Variants in RNLS observed in about 807,000 individuals in gnomAD.
RNLS encodes renalase, FAD dependent amine oxidase, also known as renalase.
A neutral mutation model predicts 39.8 loss-of-function variants in RNLS; 39 were observed. The observed-to-expected ratio is 0.98, with a 90% CI of 0.76 to 1.28. The LOEUF (loss-of-function observed/expected upper bound fraction) is 1.28, where lower values mean the gene tolerates loss of function less well. RNLS is among the 50% of genes most tolerant of loss of function. The pLI, the probability that RNLS is intolerant of heterozygous loss-of-function variation, is 0.00. For missense variants in RNLS, 410 were observed against 413.3 expected, an observed-to-expected ratio of 0.99 and a Z score of 0.07; for synonymous variants, 147 against 150.7, an observed-to-expected ratio of 0.98 and a Z score of 0.18.
At chr10:88,424,712 C>T (rs778298079) in intron 4 of RNLS, among the ~76,000 whole-genome samples, 6 of 152,110 alleles carry the variant, frequency 3.9e-5, no homozygotes, top group Admixed American at 2.6e-4. Context: ...TGACACATTA[C>T]TCAGATGATA....
the RNLS span, among the ~76,000 whole-genome samples, chr10:88,218,214 G>A: frequency 2.0e-5 from 3 of 152,346 alleles, no homozygotes; most frequent in South Asian, 6.2e-4. Context: ...CCTCCTCCAT[G>A]CTAAAGCAGA....
At chr10:88,481,724 G>A (rs2765450) in intron 4 of RNLS, among the ~76,000 whole-genome samples, 72,599 of 151,908 alleles carry the variant, frequency 0.48, 18,040 homozygotes, top group East Asian at 0.57. Context: ...AAGTTACTAT[G>A]TGAGAAAAAA....
intron 4 of RNLS, among the ~76,000 whole-genome samples, chr10:88,553,000 G>A (rs1458398038): frequency 6.6e-6 from 1 of 152,086 alleles, no homozygotes; most frequent in Non-Finnish European, 1.5e-5. Context: ...GGGGAATAGG[G>A]ACTATTATGA....
chr10:88,489,425 C>G (rs745585293), intron 4 of RNLS, among the ~76,000 whole-genome samples: 5 of 152,158 alleles, frequency 3.3e-5, no homozygotes, highest in Non-Finnish European at 7.4e-5. Context: ...CCCAGGTACT[C>G]GGACCCTAGC....
intron 4 of RNLS, among the ~76,000 whole-genome samples, chr10:88,527,237 A>G (rs897865550): frequency 6.6e-6 from 1 of 152,128 alleles, no homozygotes. Flanking sequence ...GCTTCTCCCT[A>G]CACCAGCAAC....
intron 5 of RNLS, among the ~76,000 whole-genome samples, chr10:88,341,601 A>G (rs1847965329): frequency 6.6e-6 from 1 of 152,142 alleles, no homozygotes. Flanking sequence ...ATTATTTAAA[A>G]GTAACCAAAA....
chr10:88,225,042 A>G, the RNLS span, among the ~76,000 whole-genome samples: 1 of 152,240 alleles, frequency 6.6e-6, no homozygotes, highest in Admixed American at 6.5e-5. Flanking sequence ...TACAATAGGA[A>G]GTATGTGGTG....
intron 4 of RNLS, among the ~76,000 whole-genome samples, chr10:88,411,512 C>T (rs1400327317): frequency 6.6e-6 from 1 of 151,692 alleles, no homozygotes; most frequent in African/African-American, 2.4e-5. Context: ...TGACTTAAGC[C>T]CCATCTTCTG....
At chr10:88,186,436 A>T in the RNLS span, among the ~76,000 whole-genome samples, 7 of 152,274 alleles carry the variant, frequency 4.6e-5, no homozygotes, top group Admixed American at 1.3e-4. Context: ...CTCCTCAAAG[A>T]ATGTGTGTTT....
At chr10:88,545,921 AATG>A (rs1384385900) in intron 4 of RNLS, among the ~76,000 whole-genome samples, 4 of 152,168 alleles carry the variant, frequency 2.6e-5, no homozygotes, top group Admixed American at 6.5e-5. Flanking sequence ...AGCACTAATG[AATG>A]ATAACAATTA....
intron 4 of RNLS, among the ~76,000 whole-genome samples, chr10:88,474,718 T>C (rs762276148): frequency 3.3e-5 from 5 of 152,130 alleles, no homozygotes; most frequent in African/African-American, 7.2e-5. Flanking sequence ...AATCTAAACC[T>C]GAGCATCTCA....
At position 88,577,125 on chromosome 10, in the gene RNLS, G is replaced by C. The variant is rs182008284; in HGVS notation, c.368-4064C>G. Among the ~76,000 whole-genome samples, 6 of 152,214 alleles carry C rather than the reference G, an allele frequency of 3.9e-5. No homozygotes were observed. The South Asian group carries it at 1.2e-3, about 32-fold the overall frequency. On this transcript the variant is annotated intron_variant, in intron 3 of 6. Transcript: ENST00000331772. ...TTTCCCAGGTTGCATAAAGAACTAA[G>C]GTGGTATTACTCTTCAATATCCACT... is the stretch of plus-strand genomic sequence containing the variant.
chr10:88,203,778 ATAT>A, the RNLS span, among the ~76,000 whole-genome samples: 14 of 151,340 alleles, frequency 9.3e-5, no homozygotes, highest in African/African-American at 2.4e-4. Context: ...TTATAAAATA[ATAT>A]TATAATTATA....
intron 4 of RNLS, among the ~76,000 whole-genome samples, chr10:88,410,569 T>C (rs757215352): frequency 6.6e-6 from 1 of 152,158 alleles, no homozygotes; most frequent in Non-Finnish European, 1.5e-5. Context: ...AGTTATTGAT[T>C]ATCCTAACTT....
intron 4 of RNLS, among the ~76,000 whole-genome samples, chr10:88,506,748 T>A (rs1845818694): frequency 6.6e-6 from 1 of 152,084 alleles, no homozygotes; most frequent in South Asian, 2.1e-4. Context: ...AACACATGCC[T>A]AGAAATTGGA....
chr10:88,567,686 TTTC>T (rs2134420176), intron 4 of RNLS, among the ~76,000 whole-genome samples: 1 of 152,310 alleles, frequency 6.6e-6, no homozygotes, highest in South Asian at 2.1e-4. Context: ...AATATTCCAA[TTTC>T]TTCTATATTA....
chr10:88,264,191 T>C, the RNLS span, among the ~76,000 whole-genome samples: 14 of 152,342 alleles, frequency 9.2e-5, no homozygotes, highest in African/African-American at 2.9e-4. Context: ...ACAGTATATA[T>C]ATACCACAAT....
intron 4 of RNLS, among the ~76,000 whole-genome samples, chr10:88,533,285 A>C (rs1198122912): frequency 6.6e-6 from 1 of 152,104 alleles, no homozygotes; most frequent in African/African-American, 2.4e-5. Flanking sequence ...AGCACCACCA[A>C]GTATTACTTT....
chr10:88,435,476 A>C (rs879880725), intron 4 of RNLS, among the ~76,000 whole-genome samples: 1 of 152,192 alleles, frequency 6.6e-6, no homozygotes, highest in Non-Finnish European at 1.5e-5. Context: ...GACCAAAAAA[A>C]TTAAAATTAT....
Sources: gnomAD v4.1 joint callset for allele counts (sites outside exome capture counted in the v4.1 genomes callset) on GRCh38, gnomAD v4.1.1 for gene constraint, MANE v1.5 for transcripts, NCBI Gene and HGNC (gene_info 2026-07-23, HGNC 2026-07-21) for gene names.